Variants in SUGCT observed in about 807,000 individuals in gnomAD.
The protein encoded by SUGCT is succinyl-CoA:glutarate CoA-transferase.
SUGCT carries 41 observed loss-of-function variants against 55.0 expected under a neutral mutation model. That is an observed-to-expected ratio of 0.74 (90% CI 0.58 to 0.97). The LOEUF (loss-of-function observed/expected upper bound fraction) is 0.97, where lower values mean the gene tolerates loss of function less well. Among genes scored for constraint, SUGCT ranks in the 50% least tolerant of loss-of-function variants. The pLI is 0.00. For missense variants in SUGCT, 568 were observed against 547.8 expected, an observed-to-expected ratio of 1.04 and a Z score of -0.37; for synonymous variants, 187 against 200.4, an observed-to-expected ratio of 0.93 and a Z score of 0.56.
Position 40,739,836 on chromosome 7 carries a change from T to G in SUGCT, c.1090-9598T>G, listed in dbSNP as rs1787372140. Among the ~76,000 whole-genome samples, 3 of 152,212 alleles carry G rather than the reference T, an allele frequency of 2.0e-5. No individual in the cohort carries two copies. The South Asian group carries it at 6.2e-4, about 32-fold the overall frequency. Reference sequence around the variant, plus strand: ...TTAGCAGTTATATAGTATATCTTAATATCAGATAGAGTAATTATCTCTTTA... The same window carrying G: ...TTAGCAGTTATATAGTATATCTTAAGATCAGATAGAGTAATTATCTCTTTA... On this transcript the variant is annotated intron_variant, in intron 12 of 13. Coordinates refer to ENST00000335693, the MANE Select transcript of SUGCT (RefSeq NM_001193313.2).
Position 40,644,538 on chromosome 7 carries a change from T to G in SUGCT, c.1090-104896T>G, listed in dbSNP as rs533284917. On this transcript the variant is annotated intron_variant, in intron 12 of 13. Coordinates refer to ENST00000335693, the MANE Select transcript of SUGCT (RefSeq NM_001193313.2). Reference sequence around the variant, plus strand: ...CAATTTTTTAAACTTCCTACAGCTGTGTTTGTTGATCCCAAGAAACCATGC... The same window carrying G: ...CAATTTTTTAAACTTCCTACAGCTGGGTTTGTTGATCCCAAGAAACCATGC... 5.3e-5 allele frequency among the ~76,000 whole-genome samples: 8 copies of G among 152,230 alleles called. No homozygotes were observed. In the East Asian group the frequency reaches 1.5e-3, roughly 29 times the overall value.
chr7:40,338,620 T>G (rs1261100038), intron 9 of SUGCT, among the ~76,000 whole-genome samples: 10 of 152,228 alleles, frequency 6.6e-5, no homozygotes, highest in Non-Finnish European at 1.5e-4. Flanking sequence ...AGGTCTTCTC[T>G]ACACTGGTTA....
the SUGCT span, among the ~76,000 whole-genome samples, chr7:40,896,154 G>C: frequency 2.0e-5 from 3 of 151,774 alleles, no homozygotes; most frequent in Non-Finnish European, 2.9e-5. Context: ...AAGTTTCAGG[G>C]TACATTTGAT....
intron 12 of SUGCT, among the ~76,000 whole-genome samples, chr7:40,616,362 A>C (rs1799001725): frequency 6.6e-6 from 1 of 151,664 alleles, no homozygotes; most frequent in Admixed American, 6.6e-5. Flanking sequence ...CGCCCAACTA[A>C]TTTTTGTGTT....
At chr7:40,405,853 A>G (rs1786340498) in intron 9 of SUGCT, among the ~76,000 whole-genome samples, 1 of 150,864 alleles carries the variant, frequency 6.6e-6, no homozygotes. Context: ...AGGAAATGTT[A>G]GTTTCAATTT....
chr7:40,492,124 A>G (rs982612748), intron 11 of SUGCT, among the ~76,000 whole-genome samples: 1 of 152,176 alleles, frequency 6.6e-6, no homozygotes, highest in Non-Finnish European at 1.5e-5. Context: ...TGAAAAGAAT[A>G]TTGGATTTGA....
At chr7:40,304,048 C>CAAAAAAA (rs529987357) in intron 8 of SUGCT, among the ~76,000 whole-genome samples, 1 of 61,564 alleles carries the variant, frequency 1.6e-5, no homozygotes, top group Non-Finnish European at 3.7e-5. Flanking sequence ...GACTCCATCT[C>CAAAAAAA]AAAAAAAAAA....
At chr7:41,034,464 T>G in the SUGCT span, among the ~76,000 whole-genome samples, 3 of 152,190 alleles carry the variant, frequency 2.0e-5, no homozygotes, top group Non-Finnish European at 4.4e-5. Context: ...CATGGAGCAT[T>G]TGGACCCATG....
chr7:40,330,476 G>T (rs940320122), intron 9 of SUGCT, among the ~76,000 whole-genome samples: 40 of 114,486 alleles, frequency 3.5e-4, no homozygotes, highest in African/African-American at 1.3e-3. Context: ...TGCTTTAGAA[G>T]ATCCGATTTT....
chr7:40,413,717 A>C (rs1786818225), intron 9 of SUGCT, among the ~76,000 whole-genome samples: 1 of 152,196 alleles, frequency 6.6e-6, no homozygotes, highest in Non-Finnish European at 1.5e-5. Flanking sequence ...TTACAAATTA[A>C]TAAGGGAAGC....
chr7:40,227,689 T>C (rs968708020), intron 6 of SUGCT, among the ~76,000 whole-genome samples: 12 of 152,026 alleles, frequency 7.9e-5, no homozygotes, highest in African/African-American at 2.9e-4. Context: ...TTTCATCATT[T>C]CATTTCTAAA....
intron 13 of SUGCT, among the ~76,000 whole-genome samples, chr7:40,809,335 T>G (rs542348533): frequency 6.6e-6 from 1 of 152,318 alleles, no homozygotes; most frequent in East Asian, 1.9e-4. Flanking sequence ...TTTTTTACCA[T>G]ATATGCCAAT....
intron 5 of SUGCT, among the ~76,000 whole-genome samples, chr7:40,191,322 CTT>C (rs1785896206): frequency 6.6e-6 from 1 of 152,060 alleles, no homozygotes; most frequent in South Asian, 2.1e-4. Flanking sequence ...TGGCCTCAAA[CTT>C]TATTTTTTAC....
chr7:40,176,315 T>C (rs191619743), intron 1 of SUGCT, among the ~76,000 whole-genome samples: 30 of 152,256 alleles, frequency 2.0e-4, no homozygotes, highest in African/African-American at 7.0e-4. Flanking sequence ...TGCTGCCATG[T>C]GTACAATGAG....
intron 13 of SUGCT, among the ~76,000 whole-genome samples, chr7:40,766,136 G>A (rs577857551): frequency 9.7e-4 from 147 of 152,134 alleles, no homozygotes; most frequent in Non-Finnish European, 1.6e-3. Flanking sequence ...CAAAAGTGTA[G>A]AAAAAGTGAT....
chr7:40,549,065 C>G (rs1309645598), intron 12 of SUGCT, among the ~76,000 whole-genome samples: 1 of 152,188 alleles, frequency 6.6e-6, no homozygotes, highest in Non-Finnish European at 1.5e-5. Flanking sequence ...CTCCTTGGAT[C>G]TCCTTCTGAT....
chr7:40,284,936 A>G (rs965908971), intron 8 of SUGCT, among the ~76,000 whole-genome samples: 2 of 152,164 alleles, frequency 1.3e-5, no homozygotes, highest in Non-Finnish European at 2.9e-5. Flanking sequence ...AATATAAGTG[A>G]ATTGGGAACA....
chr7:40,205,692 G>C (rs1009698002), intron 6 of SUGCT, among the ~76,000 whole-genome samples: 17 of 146,930 alleles, frequency 1.2e-4, no homozygotes, highest in African/African-American at 4.0e-4. Context: ...CATCTTAGAA[G>C]AGCTCTGCTG....
chr7:40,513,273 A>C (rs1408434913), intron 12 of SUGCT, among the ~76,000 whole-genome samples: 3 of 152,130 alleles, frequency 2.0e-5, no homozygotes, highest in Non-Finnish European at 4.4e-5. Context: ...TCAAATTCTG[A>C]TAATAATCAA....
Sources: allele counts gnomAD v4.1 joint callset (sites outside exome capture counted in the v4.1 genomes callset), GRCh38; gene constraint gnomAD v4.1.1; transcripts MANE v1.5; gene names NCBI Gene and HGNC (gene_info 2026-07-23, HGNC 2026-07-21).